Variants in CYB5D2 observed in about 807,000 individuals in gnomAD.
The protein encoded by CYB5D2 is cytochrome b5 domain containing 2, also known as neuferricin.
Under a neutral mutation model 22.8 loss-of-function variants are expected in CYB5D2, and 23 were observed. The ratio of observed to expected loss-of-function variants is 1.01; its 90% CI spans 0.73 to 1.43. The LOEUF is 1.43. Among genes scored for constraint, CYB5D2 ranks in the 40% most tolerant of loss-of-function variants. CYB5D2 has a pLI of 0.00. For synonymous variants in CYB5D2, 170 were observed against 152.2 expected (o/e 1.12, Z -0.86); for missense variants, 373 against 357.2 (o/e 1.04, Z -0.36).
In CYB5D2 at chr17:4,143,937, G is replaced by T. The variant is rs200312027; in HGVS notation, c.182G>T (p.Gly61Val). 9 of 1,613,440 alleles carry T rather than the reference G, an allele frequency of 5.6e-6. No homozygotes were observed. The highest frequency in any genetic ancestry group is 7.6e-6 in the Non-Finnish European group (9 of 1,180,024). The change falls in exon 1 of 4, where the codon GGC becomes GTC. Residue 61 changes from glycine to valine, a missense_variant. Gly to Val is a moderately radical substitution (Grantham distance 109). Coordinates refer to ENST00000301391, the MANE Select transcript of CYB5D2 (RefSeq NM_144611.4). Reference sequence around the variant, plus strand: ...CCGGGCCTGTACTTGGCGTTGCTCGGCCGTGTCTACGATGTGTCCTCCGGC... The same window carrying T: ...CCGGGCCTGTACTTGGCGTTGCTCGTCCGTGTCTACGATGTGTCCTCCGGC... ...GDPGLYLALLGRVYDVSSGRR... is the reference protein window; with the variant it reads ...GDPGLYLALLVRVYDVSSGRR...
At chr17:4,144,297 G>C (rs79584590) in intron 1 of CYB5D2, among the ~76,000 whole-genome samples, 1 of 149,670 alleles carries the variant, frequency 6.7e-6, no homozygotes, top group Non-Finnish European at 1.5e-5. Flanking sequence ...CCTAGGATAC[G>C]GGCTGTGTGC....
chr17:4,155,449 TAACA>T (rs1203436254), intron 3 of CYB5D2, among the ~76,000 whole-genome samples: 1 of 151,692 alleles, frequency 6.6e-6, no homozygotes, highest in African/African-American at 2.4e-5. Context: ...AAAAAAACAG[TAACA>T]AACAAAAAAA....
intron 1 of CYB5D2, 27 bp downstream of exon 1, chr17:4,144,032 C>A: frequency 1.3e-6 from 2 of 1,559,816 alleles, no homozygotes; most frequent in Non-Finnish European, 8.7e-7. Flanking sequence ...TCACGCCTTT[C>A]TCTCCGCTGG....
rs1295521937 is a variant in CYB5D2 at position 4,157,458 on chromosome 17, A to G, written c.*376A>G. The G allele has an allele frequency of 4.0e-6, 1 of 249,176 alleles. No homozygotes were observed. Among genetic ancestry groups the G allele is most frequent in the Non-Finnish European group, 7.8e-6 (1 of 128,942 alleles). 15.4% of individuals were successfully genotyped at this position (249,176 alleles called of 1,614,324 possible). A position where few individuals can be genotyped will look rare whatever the true frequency, so the allele number is the denominator to read the frequency against. On this transcript the variant is annotated 3_prime_UTR_variant, in exon 4 of 4. Transcript: ENST00000301391. This position sits in a 1 kb window ranked among gnomAD's most constrained non-coding sequence, Gnocchi z 4.4. ...ATACAGTACGAGGCAATAACAAATTAGTGTGGGTTGATTCTGGAATTGGAA... is the reference window on the plus strand; with the variant it reads ...ATACAGTACGAGGCAATAACAAATTGGTGTGGGTTGATTCTGGAATTGGAA...
chr17:4,156,694 G>A (rs1449351891), intron 3 of CYB5D2, among the ~76,000 whole-genome samples, 172 bp from the exon 4 acceptor site: 1 of 152,188 alleles, frequency 6.6e-6, no homozygotes, highest in East Asian at 1.9e-4. Flanking sequence ...GCTGGAGGAT[G>A]TTAGGAGAGA....
At chr17:4,144,743 C>T (rs2058963393) in intron 1 of CYB5D2, among the ~76,000 whole-genome samples, 1 of 152,134 alleles carries the variant, frequency 6.6e-6, no homozygotes, top group African/African-American at 2.4e-5. Context: ...TTGCCTGAAA[C>T]CCTCACACCT....
intron 2 of CYB5D2, among the ~76,000 whole-genome samples, chr17:4,150,318 G>A (rs2059042007): frequency 6.6e-6 from 1 of 152,276 alleles, no homozygotes; most frequent in South Asian, 2.1e-4. Flanking sequence ...ACCAGCTCCA[G>A]AAGGGCAGCT....
At position 4,143,536 on chromosome 17, in the gene CYB5D2, A is replaced by G. The variant is rs984412118; in HGVS notation, c.-220A>G. 5 of 540,904 alleles carry G rather than the reference A, an allele frequency of 9.2e-6. No individual in the cohort carries two copies. Among genetic ancestry groups the G allele is most frequent in the Non-Finnish European group, 1.5e-5 (5 of 329,552 alleles). 33.5% of individuals were successfully genotyped at this position (540,904 alleles called of 1,614,324 possible). A position where few individuals can be genotyped will look rare whatever the true frequency, so the allele number is the denominator to read the frequency against. On this transcript the variant is annotated 5_prime_UTR_variant, in exon 1 of 4. Coordinates refer to ENST00000301391, the MANE Select transcript of CYB5D2 (RefSeq NM_144611.4). ...AGCTAAAACTCTGTCTCAGAAAAAA[A>G]AAAAAAAAGTACCTGGAAAAAGTCG... is the stretch of plus-strand genomic sequence containing the variant.
chr17:4,148,695 G>A (rs976425420), intron 1 of CYB5D2, among the ~76,000 whole-genome samples: 1 of 151,930 alleles, frequency 6.6e-6, no homozygotes, highest in South Asian at 2.1e-4. Flanking sequence ...ATGTTGGTGC[G>A]CATCTGTAGT....
chr17:4,156,993 C>A lies in CYB5D2; in HGVS notation c.706C>A (p.His236Asn), dbSNP rs770028748. 9 of 1,612,822 alleles carry A rather than the reference C, an allele frequency of 5.6e-6. No homozygotes were observed. The highest frequency in any genetic ancestry group is 2.0e-4 in the Middle Eastern group (1 of 5,004). Residue 236 changes from histidine to asparagine, a missense_variant, in exon 4 of 4, where the codon CAC becomes AAC. His to Asn is a moderately conservative substitution (Grantham distance 68). Transcript: ENST00000301391. ...PSGQMPDNPP[H>N]RNRGDLDHPN... ...TGGCCAGATGCCGGACAACCCTCCA[C>A]ACAGAAATCGTGGGGACCTGGACCA... is the stretch of plus-strand genomic sequence containing the variant.
Position 4,143,886 on chromosome 17 carries a change from C to T in CYB5D2, c.131C>T (p.Ser44Phe). 1 of 1,614,066 alleles carries T rather than the reference C, an allele frequency of 6.2e-7. No individual in the cohort carries two copies. The highest frequency in any genetic ancestry group is 8.5e-7 in the Non-Finnish European group (1 of 1,180,028). The change falls in exon 1 of 4, where the codon TCT (serine) becomes TTT (phenylalanine). Residue 44 changes from serine (S) to phenylalanine (F), a missense_variant. Physicochemically the swap from Ser to Phe is radical, Grantham distance 155. Transcript: ENST00000301391. ...CGCCTTTTCATACCGGAGGAGCTGT[C>T]TCGCTACCGCGGCGGCCCAGGGGAC... ...GFRLFIPEEL[S>F]RYRGGPGDPG...
At chr17:4,151,833 T>C (rs1024458114) in intron 2 of CYB5D2, among the ~76,000 whole-genome samples, 9 of 151,834 alleles carry the variant, frequency 5.9e-5, no homozygotes, top group Non-Finnish European at 1.2e-4. Flanking sequence ...GGCAAAACCA[T>C]GTCTCTACTA....
rs766746251 is a variant in CYB5D2 at position 4,154,701 on chromosome 17, A to G, written c.419A>G (p.Glu140Gly). The G allele has an allele frequency of 1.2e-6, 2 of 1,614,154 alleles. No individual in the cohort carries two copies. Among genetic ancestry groups the G allele is most frequent in the Non-Finnish European group, 1.7e-6 (2 of 1,180,014 alleles). The change falls in exon 3 of 4, where the codon GAG becomes GGG. Residue 140 changes from glutamate to glycine, a missense_variant. Physicochemically the swap from Glu to Gly is moderately conservative, Grantham distance 98 (BLOSUM62 -2). Transcript: ENST00000301391. Reference protein sequence around the residue: ...VGRVTGRFYGEDGLPTPALTQ... With the variant: ...VGRVTGRFYGGDGLPTPALTQ... ...AGGGTGACAGGACGGTTCTACGGAG[A>G]GGATGGGCTGCCCACCCCGGCACTG...
At chr17:4,149,345 G>A (rs749684619) in intron 1 of CYB5D2, among the ~76,000 whole-genome samples, 2 of 152,188 alleles carry the variant, frequency 1.3e-5, no homozygotes, top group Non-Finnish European at 2.9e-5. Flanking sequence ...ATCAGGCCAA[G>A]GGAAGTGGTC....
rs183170213 is a variant in CYB5D2 at position 4,144,193 on chromosome 17, T to C, written c.250+188T>C. On this transcript the variant is annotated intron_variant, in intron 1 of 3. Transcript: ENST00000301391. ...AGGCTCTCTGGCTCTGGCGGGACTG[T>C]GGGCCAGCTCTGTCATCCACCACCG... is the stretch of plus-strand genomic sequence containing the variant. Among the ~76,000 whole-genome samples the C allele has an allele frequency of 2.0e-5, 3 of 152,214 alleles. No individual in the cohort carries two copies. The East Asian group carries it at 5.8e-4, about 30-fold the overall frequency.
chr17:4,146,707 T>G (rs4567758), intron 1 of CYB5D2, among the ~76,000 whole-genome samples: 1 of 150,994 alleles, frequency 6.6e-6, no homozygotes. Context: ...TTTTTTTTTT[T>G]AGTATAGCCA....
At chr17:4,150,250 T>C (rs1379633599) in intron 2 of CYB5D2, among the ~76,000 whole-genome samples, 1 of 152,190 alleles carries the variant, frequency 6.6e-6, no homozygotes, top group East Asian at 1.9e-4. Context: ...ATTACTAAGC[T>C]GCTTGCTTTG....
chr17:4,157,002 C>A lies in CYB5D2; in HGVS notation c.715C>A (p.Arg239Ser). 2 of 1,612,858 alleles carry A rather than the reference C, an allele frequency of 1.2e-6. No homozygotes were observed. Among genetic ancestry groups the A allele is most frequent in the Non-Finnish European group, 1.7e-6 (2 of 1,180,036 alleles). The change falls in exon 4 of 4, where the codon CGT becomes AGT. Residue 239 changes from arginine to serine, a missense_variant. Physicochemically the swap from Arg to Ser is moderately radical, Grantham distance 110 (BLOSUM62 -1). Transcript: ENST00000301391. This position sits in a 1 kb window ranked among gnomAD's most constrained non-coding sequence, Gnocchi z 4.4. ...QMPDNPPHRN[R>S]GDLDHPNLAE... Reference sequence around the variant, plus strand: ...GCCGGACAACCCTCCACACAGAAATCGTGGGGACCTGGACCACCCAAACTT... The same window carrying A: ...GCCGGACAACCCTCCACACAGAAATAGTGGGGACCTGGACCACCCAAACTT...
rs143729771 is a variant in CYB5D2 at position 4,144,103 on chromosome 17, C to T, written c.250+98C>T. 2,054 of 1,436,044 alleles carry T rather than the reference C, an allele frequency of 1.4e-3. 19 individuals are homozygous for T. The African/African-American group carries it at 0.017, about 12-fold the overall frequency. 89.0% of individuals were successfully genotyped at this position (1,436,044 alleles called of 1,614,324 possible). A position where few individuals can be genotyped will look rare whatever the true frequency, so the allele number is the denominator to read the frequency against. ...TTCATTATTCATCTATTTCCCCCCCCATCCCCACCCCACATCCATCAAACC... is the reference window on the plus strand; with the variant it reads ...TTCATTATTCATCTATTTCCCCCCCTATCCCCACCCCACATCCATCAAACC... On this transcript the variant is annotated intron_variant, in intron 1 of 3. Transcript: ENST00000301391.
Sources: allele counts gnomAD v4.1 joint callset (sites outside exome capture counted in the v4.1 genomes callset), GRCh38; gene constraint gnomAD v4.1.1; non-coding constraint Gnocchi (gnomAD v3.1); transcripts MANE v1.5; gene names NCBI Gene and HGNC (gene_info 2026-07-23, HGNC 2026-07-21).